The following ZRANB3 variants were observed in gnomAD, a reference collection of about 807,000 sequenced individuals.
ZRANB3 encodes the protein zinc finger RANBP2-type containing 3.
Under a neutral mutation model 133.8 loss-of-function variants are expected in ZRANB3, and 125 were observed. The observed-to-expected ratio is 0.93, with a 90% CI of 0.81 to 1.08. ZRANB3 has a LOEUF of 1.08. ZRANB3 is among the 50% of genes least tolerant of loss of function. ZRANB3 has a pLI of 0.00. For synonymous variants in ZRANB3, 387 were observed against 432.7 expected (o/e 0.89, Z 1.31); for missense variants, 1,229 against 1,275.5 (o/e 0.96, Z 0.56).
chr2:135,310,475 G>T (rs986070054), intron 8 of ZRANB3, among the ~76,000 whole-genome samples: 1 of 151,954 alleles, frequency 6.6e-6, no homozygotes, highest in Non-Finnish European at 1.5e-5. Flanking sequence ...AAAAAAATCA[G>T]AACTGCTACC....
chr2:135,358,844 G>A (rs1685550582), intron 3 of ZRANB3, among the ~76,000 whole-genome samples: 1 of 151,974 alleles, frequency 6.6e-6, no homozygotes, highest in Admixed American at 6.6e-5. Flanking sequence ...AAGCAGATAC[G>A]AAAGTGTGGG....
At chr2:135,477,805 G>C (rs1388725780) in intron 2 of ZRANB3, among the ~76,000 whole-genome samples, 1 of 152,106 alleles carries the variant, frequency 6.6e-6, no homozygotes, top group Admixed American at 6.6e-5. Context: ...ACCAGCCTGG[G>C]CAACACAGTG....
At chr2:135,442,143 T>G (rs1689809261) in intron 2 of ZRANB3, among the ~76,000 whole-genome samples, 1 of 152,092 alleles carries the variant, frequency 6.6e-6, no homozygotes, top group Admixed American at 6.6e-5. Flanking sequence ...GGGCAGAGAC[T>G]TCAGGACTAA....
chr2:135,365,553 AGT>A (rs1685895292), intron 3 of ZRANB3, among the ~76,000 whole-genome samples: 1 of 152,234 alleles, frequency 6.6e-6, no homozygotes, highest in Admixed American at 6.5e-5. Context: ...TCTTAAAAAA[AGT>A]GTATGAAAAA....
intron 12 of ZRANB3, among the ~76,000 whole-genome samples, chr2:135,260,771 CTA>C (rs1480278709): frequency 2.8e-5 from 4 of 143,054 alleles, no homozygotes; most frequent in Admixed American, 7.2e-5. Flanking sequence ...TATATACAAA[CTA>C]TATATATTCT....
intron 6 of ZRANB3, among the ~76,000 whole-genome samples, chr2:135,317,631 A>C (rs1683327624): frequency 6.6e-6 from 1 of 152,192 alleles, no homozygotes; most frequent in Non-Finnish European, 1.5e-5. Context: ...CCCAAAATGC[A>C]GATCTGTTTT....
chr2:135,473,245 TATA>T (rs1463025869), intron 2 of ZRANB3, among the ~76,000 whole-genome samples: 1 of 152,210 alleles, frequency 6.6e-6, no homozygotes, highest in Non-Finnish European at 1.5e-5. Flanking sequence ...AATGAAATCA[TATA>T]ATATTTGTCC....
intron 3 of ZRANB3, among the ~76,000 whole-genome samples, chr2:135,374,563 G>A (rs771630117): frequency 6.7e-5 from 10 of 149,650 alleles, no homozygotes; most frequent in East Asian, 2.0e-4. Context: ...GTGCAATGGC[G>A]TAATCATAGC....
chr2:135,210,502 T>C (rs935355301), intron 17 of ZRANB3, among the ~76,000 whole-genome samples: 12 of 152,224 alleles, frequency 7.9e-5, no homozygotes, highest in Non-Finnish European at 1.0e-4. Flanking sequence ...TGGCCAATTA[T>C]TGTATTTTTA....
intron 2 of ZRANB3, among the ~76,000 whole-genome samples, chr2:135,406,849 A>G (rs1260473091): frequency 6.6e-6 from 1 of 152,118 alleles, no homozygotes; most frequent in Non-Finnish European, 1.5e-5. Flanking sequence ...TCTATGACAA[A>G]CCCACAGCCA....
intron 2 of ZRANB3, among the ~76,000 whole-genome samples, chr2:135,479,120 T>C (rs1691643084): frequency 6.6e-6 from 1 of 151,878 alleles, no homozygotes; most frequent in Non-Finnish European, 1.5e-5. Flanking sequence ...TTTTTTTTTT[T>C]AATGCAGTCA....
intron 1 of ZRANB3, among the ~76,000 whole-genome samples, chr2:135,519,145 T>C (rs566785190): frequency 3.3e-5 from 5 of 152,296 alleles, no homozygotes; most frequent in African/African-American, 9.6e-5. Flanking sequence ...GTTGTGGCTA[T>C]AAGAAGGCAA....
At chr2:135,227,495 C>T (rs184013513) in intron 14 of ZRANB3, among the ~76,000 whole-genome samples, 117 of 152,338 alleles carry the variant, frequency 7.7e-4, no homozygotes, top group Admixed American at 6.1e-3. Flanking sequence ...TGTCCCAAAG[C>T]ACCTCCCAAA....
chr2:135,243,279 G>C lies in ZRANB3; in HGVS notation c.1540-12352C>G, dbSNP rs889190091. Among the ~76,000 whole-genome samples, 85 of 152,304 alleles carry C rather than the reference G, an allele frequency of 5.6e-4. 1 individual carries two copies. Among genetic ancestry groups the C allele is most frequent in the African/African-American group, 2.0e-3 (84 of 41,580 alleles). On this transcript the variant is annotated intron_variant, in intron 12 of 20. Coordinates refer to ENST00000264159, the MANE Select transcript of ZRANB3 (RefSeq NM_032143.4). ...GCCTGTAATCCCAGCACTTTGGGAG[G>C]CCAAGGTGAGTGGATCATGAGGTCA... is the stretch of plus-strand genomic sequence containing the variant.
At chr2:135,285,555 G>C (rs1681314454) in intron 8 of ZRANB3, among the ~76,000 whole-genome samples, 1 of 152,224 alleles carries the variant, frequency 6.6e-6, no homozygotes, top group Non-Finnish European at 1.5e-5. Flanking sequence ...CCTGTGCTAA[G>C]CTGCTGAGGC....
intron 2 of ZRANB3, among the ~76,000 whole-genome samples, chr2:135,458,604 G>C (rs1209726613): frequency 6.6e-6 from 1 of 152,054 alleles, no homozygotes; most frequent in African/African-American, 2.4e-5. Flanking sequence ...ACTGATGACA[G>C]AGGAAAATCA....
chr2:135,447,846 G>A (rs1690091295), intron 2 of ZRANB3, among the ~76,000 whole-genome samples: 1 of 152,110 alleles, frequency 6.6e-6, no homozygotes, highest in Non-Finnish European at 1.5e-5. Flanking sequence ...GAGTTTTAAT[G>A]AGATTTTGAG....
intron 2 of ZRANB3, among the ~76,000 whole-genome samples, chr2:135,488,928 C>A (rs1445388418): frequency 2.0e-5 from 3 of 151,654 alleles, no homozygotes; most frequent in African/African-American, 7.3e-5. Flanking sequence ...ACAAAGTATG[C>A]TATATAATCA....
chr2:135,467,499 C>G (rs1010878949), intron 2 of ZRANB3, among the ~76,000 whole-genome samples: 2 of 152,172 alleles, frequency 1.3e-5, no homozygotes, highest in Admixed American at 1.3e-4. Context: ...CTCTGCCCTC[C>G]CAGGGGGTGT....
Sources: allele counts gnomAD v4.1 joint callset (sites outside exome capture counted in the v4.1 genomes callset), GRCh38; gene constraint gnomAD v4.1.1; transcripts MANE v1.5; gene names NCBI Gene and HGNC (gene_info 2026-07-23, HGNC 2026-07-21).